The following BRD8 variants were observed in gnomAD, a reference collection of about 807,000 sequenced individuals.
BRD8 encodes the protein bromodomain containing 8, also known as bromodomain-containing protein 8.
A neutral mutation model predicts 143.1 loss-of-function variants in BRD8; 67 were observed. The ratio of observed to expected loss-of-function variants is 0.47; its 90% CI spans 0.38 to 0.57. BRD8 has a LOEUF of 0.57. Among genes scored for constraint, BRD8 ranks in the 20% least tolerant of loss-of-function variants. BRD8 has a pLI of 0.00. For missense variants in BRD8, 1,103 were observed against 1,503.0 expected (o/e 0.73, Z 4.40); for synonymous variants, 505 against 517.1 (o/e 0.98, Z 0.32).
In BRD8 at chr5:138,140,902, A is replaced by G. The variant is rs776272462; in HGVS notation, c.3438-20T>C. On this transcript the variant is annotated intron_variant, in intron 25 of 26. Coordinates refer to ENST00000254900, the MANE Select transcript of BRD8 (RefSeq NM_139199.2). The stretch of plus-strand genomic sequence containing the variant: ...ATGGGTCTGCAGGTGGCCAAGAAAA[A>G]ACAAAGAAAATCAAACCTTCATGTG... 3 of 1,612,772 alleles carry G rather than the reference A, an allele frequency of 1.9e-6. No homozygotes were observed. Among genetic ancestry groups the G allele is most frequent in the Non-Finnish European group, 2.5e-6 (3 of 1,179,352 alleles).
At chr5:138,153,673 CTT>C (rs67848204) in intron 20 of BRD8, among the ~76,000 whole-genome samples, 1,653 of 107,236 alleles carry the variant, frequency 0.015, 15 homozygotes, top group African/African-American at 0.05. Context: ...CTTTTCTTTT[CTT>C]TTTTTTTTTT....
chr5:138,159,338 G>C lies in BRD8; in HGVS notation c.2577+217C>G, dbSNP rs1006071655. ...CACCCCTAGAATACATTTCAGCCCA[G>C]TGATCTCAAAAACAGTCCCTACCCA... On this transcript the variant is annotated intron_variant, in intron 20 of 26. Transcript: ENST00000254900. Among the ~76,000 whole-genome samples the C allele has an allele frequency of 1.8e-4, 28 of 151,628 alleles. 1 individual carries two copies. Among genetic ancestry groups the C allele is most frequent in the African/African-American group, 6.3e-4 (26 of 41,240 alleles).
Position 138,150,860 on chromosome 5 carries a change from G to A in BRD8, c.3005C>T (p.Ala1002Val). The change falls in exon 22 of 27, where the codon GCT becomes GTT. Residue 1002 changes from alanine (A) to valine (V), a missense_variant. By Grantham distance (64) the Ala-to-Val change is moderately conservative (BLOSUM62 0). Around this residue, in one of 7 missense-constraint regions of BRD8, gnomAD observed 369 missense variants for 445.5 expected, o/e 0.83. Transcript: ENST00000254900. ...TTCAGCTACTAAGGGGTCTCCTTTA[G>A]CTGAAAGCTCTTCAGTCTCTCTGCA... Reference protein sequence around the residue: ...ELCRETEELSAKGDPLVAEKP... With the variant: ...ELCRETEELSVKGDPLVAEKP... 1 of 1,614,176 alleles carries A rather than the reference G, an allele frequency of 6.2e-7. No individual in the cohort carries two copies. The highest frequency in any genetic ancestry group is 8.5e-7 in the Non-Finnish European group (1 of 1,180,030).
chr5:138,163,236 C>G lies in BRD8; in HGVS notation c.1981G>C (p.Glu661Gln). Residue 661 changes from glutamate to glutamine, a missense_variant, in exon 15 of 27, where the codon GAA (glutamate) becomes CAA (glutamine). Physicochemically the swap from Glu to Gln is conservative, Grantham distance 29. This residue lies in a region of BRD8 where 75 missense variants were observed against 111.7 expected (regional missense o/e 0.67). Transcript: ENST00000254900. ...TCATCACTCTCGCTCACAGGAGGTT[C>G]ATTATCCATTTCTGACAAGTAGCCT... ...GEGYLSEMDNEPPVSESDDGF... is the reference protein window; with the variant it reads ...GEGYLSEMDNQPPVSESDDGF... 1.2e-6 allele frequency: 2 copies of G among 1,614,108 alleles called. No homozygotes were observed. The highest frequency in any genetic ancestry group is 1.7e-6 in the Non-Finnish European group (2 of 1,180,004).
intron 21 of BRD8, among the ~76,000 whole-genome samples, chr5:138,151,756 C>T (rs1183429797): frequency 6.6e-6 from 1 of 152,228 alleles, no homozygotes; most frequent in Non-Finnish European, 1.5e-5. Context: ...TTCCGCCTCC[C>T]GGGTTCAAGC....
chr5:138,172,399 T>C (rs1753937612), intron 2 of BRD8, among the ~76,000 whole-genome samples: 1 of 151,134 alleles, frequency 6.6e-6, no homozygotes, highest in Admixed American at 6.6e-5. Context: ...GGCATGCACC[T>C]GTAGTCCCAG....
intron 24 of BRD8, 44 bp downstream of exon 24, chr5:138,145,745 G>A (rs751523747): frequency 2.0e-6 from 3 of 1,511,740 alleles, no homozygotes; most frequent in Non-Finnish European, 2.8e-6. Flanking sequence ...ATGTATTACT[G>A]CTTCAGCTCT....
intron 20 of BRD8, among the ~76,000 whole-genome samples, chr5:138,155,112 T>C (rs924107921): frequency 1.3e-5 from 2 of 151,584 alleles, no homozygotes; most frequent in Non-Finnish European, 2.9e-5. Context: ...ATTACAGGTG[T>C]GAGCCACGGT....
rs184990238 is a variant in BRD8, at chr5:138,162,763, G to A, written c.2087+367C>T. 3.1e-3 allele frequency among the ~76,000 whole-genome samples: 471 copies of A among 152,068 alleles called. 2 individuals are homozygous for A. Among genetic ancestry groups the A allele is most frequent in the Admixed American group, 7.0e-3 (107 of 15,268 alleles). The stretch of plus-strand genomic sequence containing the variant: ...TGTAATCTCAGCACTTTGGGAGGCC[G>A]AGGCAGGTGGAACGCTTGAGCTCAG... On this transcript the variant is annotated intron_variant, in intron 15 of 26. Transcript: ENST00000254900.
At chr5:138,140,615 C>G in intron 26 of BRD8, 90 bp downstream of exon 26, 1 of 1,421,478 alleles carries the variant, frequency 7.0e-7, no homozygotes, top group South Asian at 1.2e-5. Context: ...AAAATAAACT[C>G]TGAGAACACA....
At chr5:138,169,119 G>T in intron 8 of BRD8, 103 bp downstream of exon 8, 1 of 1,251,692 alleles carries the variant, frequency 8.0e-7, no homozygotes. Context: ...TTCAGATCAA[G>T]AGAGGAAGTT....
chr5:138,165,096 T>C lies in BRD8; in HGVS notation c.1349A>G (p.Asp450Gly). 6.2e-7 allele frequency: 1 copy of C among 1,614,142 alleles called. No homozygotes were observed. Among genetic ancestry groups the C allele is most frequent in the Non-Finnish European group, 8.5e-7 (1 of 1,180,030 alleles). ...EAALSFCEEN[D>G]DPQSLPGPWE... The stretch of plus-strand genomic sequence containing the variant: ...GGGGCCAGGCAGGGACTGAGGATCA[T>C]CATTTTCTTCACAAAATGACAGTGC... Residue 450 changes from aspartate (D) to glycine (G), a missense_variant, in exon 12 of 27, where the codon GAT becomes GGT. Transcript: ENST00000254900.
In BRD8 at chr5:138,170,549, C is replaced by T. The variant is rs1044835152; in HGVS notation, c.441-140G>A. The T allele has an allele frequency of 1.4e-5, 13 of 928,038 alleles. No homozygotes were observed. In the African/African-American group the frequency reaches 1.9e-4, roughly 14 times the overall value. The allele number at this position is 928,038 out of a possible 1,614,324, so 57.5% of individuals were successfully genotyped here. Reference sequence around the variant, plus strand: ...TAAACAGGAATTCTAACCAGCAAAACAGTGAATTGGGGTATACTGCCTAAC... The same window carrying T: ...TAAACAGGAATTCTAACCAGCAAAATAGTGAATTGGGGTATACTGCCTAAC... On this transcript the variant is annotated intron_variant, in intron 6 of 26. Coordinates refer to ENST00000254900, the MANE Select transcript of BRD8 (RefSeq NM_139199.2).
chr5:138,173,397 CA>C (rs34972519), intron 2 of BRD8, among the ~76,000 whole-genome samples: 101,753 of 141,874 alleles, frequency 0.72, 36,300 homozygotes, highest in African/African-American at 0.89. Context: ...GACTCCATCT[CA>C]AAAAAAAAAA....
At chr5:138,160,248 G>A in intron 18 of BRD8, 75 bp from the exon 19 acceptor site, 1 of 1,000,492 alleles carries the variant, frequency 1.0e-6, no homozygotes, top group Non-Finnish European at 1.6e-6. Context: ...TTTAAGCACT[G>A]TAAATAGAAC....
intron 5 of BRD8, 43 bp downstream of exon 5, chr5:138,170,995 C>G: frequency 6.2e-7 from 1 of 1,611,562 alleles, no homozygotes; most frequent in East Asian, 2.2e-5. Context: ...AAGACAGTCC[C>G]TTATGTCTTT....
rs1440038620 is a variant in BRD8, at chr5:138,169,245, T to C, written c.619A>G (p.Thr207Ala). 3 of 1,614,022 alleles carry C rather than the reference T, an allele frequency of 1.9e-6. No homozygotes were observed. The highest frequency in any genetic ancestry group is 2.5e-6 in the Non-Finnish European group (3 of 1,179,978). The change falls in exon 8 of 27, where the codon ACT becomes GCT. Residue 207 changes from threonine (T) to alanine (A), a missense_variant. By Grantham distance (58) the Thr-to-Ala change is moderately conservative. Coordinates refer to ENST00000254900, the MANE Select transcript of BRD8 (RefSeq NM_139199.2). ...DYPLGDLTPTTMEEATSGVNE... is the reference protein window; with the variant it reads ...DYPLGDLTPTAMEEATSGVNE... ...ACCCCAGAGGTAGCCTCTTCCATAG[T>C]GGTTGGAGTCAAGTCCCCAAGTGGA... is the stretch of plus-strand genomic sequence containing the variant.
chr5:138,151,178 A>G lies in BRD8; in HGVS notation c.2857-170T>C, dbSNP rs528365507. 3.9e-5 allele frequency among the ~76,000 whole-genome samples: 6 copies of G among 152,360 alleles called. No homozygotes were observed. In the East Asian group the frequency reaches 9.6e-4, roughly 24 times the overall value. ...GCCAAAATATCTTATATACACAGGC[A>G]CTGGGCTGGTTGGTGGGGACACTAC... On this transcript the variant is annotated intron_variant, in intron 21 of 26. Coordinates refer to ENST00000254900, the MANE Select transcript of BRD8 (RefSeq NM_139199.2).
Position 138,168,053 on chromosome 5 carries a change from G to A in BRD8, c.668C>T (p.Ala223Val). The A allele has an allele frequency of 6.2e-7, 1 of 1,613,572 alleles. No individual in the cohort carries two copies. Among genetic ancestry groups the A allele is most frequent in the Non-Finnish European group, 8.5e-7 (1 of 1,179,620 alleles). Residue 223 changes from alanine to valine, a missense_variant, in exon 9 of 27, where the codon GCT becomes GTT. This residue lies in a region of BRD8 where 334 missense variants were observed against 372.5 expected (regional missense o/e 0.90). Transcript: ENST00000254900. ...SGVNESEMAV[A>V]SGHLNSTGVL... ...ACCTGTACTGTTCAGGTGGCCAGAA[G>A]CCACAGCCATTTCACTCTCATTGAC...
Sources: allele counts gnomAD v4.1 joint callset (sites outside exome capture counted in the v4.1 genomes callset), GRCh38; gene constraint gnomAD v4.1.1; regional missense constraint gnomAD v4.1.1; transcripts MANE v1.5; gene names NCBI Gene and HGNC (gene_info 2026-07-23, HGNC 2026-07-21).